FRMD6: variants seen among roughly 807,000 people sequenced by gnomAD.
FRMD6 encodes FERM domain-containing protein 6.
FRMD6 carries 37 observed loss-of-function variants against 73.2 expected under a neutral mutation model. The ratio of observed to expected loss-of-function variants is 0.51; its 90% confidence interval spans 0.39 to 0.66. FRMD6 has a LOEUF of 0.66. Ranked by LOEUF, FRMD6 falls within the 30% of genes least tolerant of loss-of-function variation. The pLI is 0.00. For missense variants in FRMD6, 714 were observed against 780.5 expected (o/e 0.91, Z 1.02); for synonymous variants, 273 against 282.2 (o/e 0.97, Z 0.33).
intron 1 of FRMD6, among the ~76,000 whole-genome samples, chr14:51,563,996 T>A (rs1887634754): frequency 6.6e-6 from 1 of 152,350 alleles, no homozygotes; most frequent in African/African-American, 2.4e-5. Flanking sequence ...TTACCATTTC[T>A]AAAGTTTTTA....
chr14:51,485,702 T>C (rs139539075), upstream of FRMD6, among the ~76,000 whole-genome samples: 1 of 152,214 alleles, frequency 6.6e-6, no homozygotes, highest in Non-Finnish European at 1.5e-5. Flanking sequence ...CATCCTTTGT[T>C]TGGTGGTGAT....
At chr14:51,690,224 A>G (rs1465140967) in intron 2 of FRMD6, among the ~76,000 whole-genome samples, 1 of 152,224 alleles carries the variant, frequency 6.6e-6, no homozygotes, top group Non-Finnish European at 1.5e-5. Context: ...CTTTTATTGA[A>G]GTATATGAAT....
chr14:51,653,894 G>A (rs1283062398), intron 1 of FRMD6, among the ~76,000 whole-genome samples: 1 of 152,094 alleles, frequency 6.6e-6, no homozygotes, highest in Non-Finnish European at 1.5e-5. Context: ...GGTCCCCCAG[G>A]GGATATCTAA....
At chr14:51,494,950 G>A (rs1883212114) in intron 1 of FRMD6, among the ~76,000 whole-genome samples, 1 of 152,110 alleles carries the variant, frequency 6.6e-6, no homozygotes, top group Admixed American at 6.5e-5. Flanking sequence ...ATATGGATAA[G>A]CTGAGAATTT....
At chr14:51,398,993 T>C in the FRMD6 span, among the ~76,000 whole-genome samples, 2 of 152,158 alleles carry the variant, frequency 1.3e-5, no homozygotes, top group African/African-American at 4.8e-5. Context: ...ATGCTCCAGT[T>C]CTGTTTCCCA....
chr14:51,561,526 A>G (rs1042826180), intron 1 of FRMD6, among the ~76,000 whole-genome samples: 2 of 152,212 alleles, frequency 1.3e-5, no homozygotes, highest in African/African-American at 4.8e-5. Flanking sequence ...TGAATCACGC[A>G]TTTAAGTAAC....
At chr14:51,621,943 G>T (rs1389434663) in intron 2 of FRMD6, among the ~76,000 whole-genome samples, 1 of 152,220 alleles carries the variant, frequency 6.6e-6, no homozygotes, top group African/African-American at 2.4e-5. Context: ...AACAAGGACT[G>T]TTTTTAGAAA....
chr14:51,642,036 C>T (rs997930009), intron 2 of FRMD6, among the ~76,000 whole-genome samples: 5 of 152,134 alleles, frequency 3.3e-5, no homozygotes, highest in African/African-American at 7.2e-5. Flanking sequence ...AATAAGGCCA[C>T]GTACCTTTTG....
chr14:51,613,187 A>G (rs1890581029), intron 2 of FRMD6, among the ~76,000 whole-genome samples: 1 of 152,202 alleles, frequency 6.6e-6, no homozygotes, highest in South Asian at 2.1e-4. Context: ...GAACTGTGAC[A>G]GCTGTGAGAA....
intron 2 of FRMD6, among the ~76,000 whole-genome samples, chr14:51,635,777 T>TA (rs1375219460): frequency 6.6e-6 from 1 of 152,198 alleles, no homozygotes; most frequent in Non-Finnish European, 1.5e-5. Context: ...AATAAAAAAA[T>TA]ACTTGCAAAG....
At chr14:51,708,403 G>A (rs1896756319) in intron 7 of FRMD6, 170 bp downstream of exon 7, 4 of 628,988 alleles carry the variant, frequency 6.4e-6, no homozygotes, top group Non-Finnish European at 1.1e-5. Context: ...AGTCTTGGAG[G>A]CCATGGTGCT....
intron 2 of FRMD6, among the ~76,000 whole-genome samples, chr14:51,614,284 A>G (rs1890626873): frequency 1.3e-5 from 2 of 152,150 alleles, no homozygotes; most frequent in Non-Finnish European, 2.9e-5. Context: ...TGCAAGGCTT[A>G]AGTATTCTAG....
intron 13 of FRMD6, among the ~76,000 whole-genome samples, chr14:51,726,670 G>T (rs1306610574): frequency 6.6e-6 from 1 of 152,100 alleles, no homozygotes; most frequent in Non-Finnish European, 1.5e-5. Flanking sequence ...TGTTTCTGGG[G>T]CACAGCTGAT....
At chr14:51,642,093 A>T (rs920337873) in intron 2 of FRMD6, among the ~76,000 whole-genome samples, 2 of 152,124 alleles carry the variant, frequency 1.3e-5, no homozygotes, top group African/African-American at 2.4e-5. Flanking sequence ...TACTAGTTTG[A>T]GGTGATTTTG....
At chr14:51,616,671 G>A (rs1890729199) in intron 2 of FRMD6, among the ~76,000 whole-genome samples, 1 of 152,186 alleles carries the variant, frequency 6.6e-6, no homozygotes. Context: ...TGAGGCATGA[G>A]AGAGGGCTCC....
At chr14:51,540,747 C>G (rs957130336) in intron 1 of FRMD6, among the ~76,000 whole-genome samples, 2 of 151,750 alleles carry the variant, frequency 1.3e-5, no homozygotes, top group African/African-American at 4.8e-5. Context: ...TAAATAAATT[C>G]CATGAGCAAA....
At chr14:51,446,893 C>A in the FRMD6 span, among the ~76,000 whole-genome samples, 1 of 152,156 alleles carries the variant, frequency 6.6e-6, no homozygotes, top group Non-Finnish European at 1.5e-5. Context: ...AGAGGAGATC[C>A]ATCATGACGA....
Position 51,719,694 on chromosome 14 carries a change from G to A in FRMD6, c.1025-361G>A, listed in dbSNP as rs563364271. Among the ~76,000 whole-genome samples the A allele has an allele frequency of 1.8e-3, 271 of 152,306 alleles. 1 individual carries two copies. The highest frequency in any genetic ancestry group is 2.9e-3 in the Non-Finnish European group (200 of 68,026). ...CAAAATCACATTGGTGGCTGTCATGGCAATGTCACATAGCTCTGGAAGTTT... is the reference window on the plus strand; with the variant it reads ...CAAAATCACATTGGTGGCTGTCATGACAATGTCACATAGCTCTGGAAGTTT... On this transcript the variant is annotated intron_variant, in intron 10 of 13. Coordinates refer to ENST00000344768, the MANE Select transcript of FRMD6 (RefSeq NM_001267046.2).
intron 1 of FRMD6, among the ~76,000 whole-genome samples, chr14:51,683,569 G>C (rs906396102): frequency 6.6e-6 from 1 of 152,038 alleles, no homozygotes; most frequent in African/African-American, 2.4e-5. Context: ...GATTACAGAT[G>C]TGCGTCACTG....
Sources: gnomAD v4.1 joint callset for allele counts (sites outside exome capture counted in the v4.1 genomes callset) on GRCh38, gnomAD v4.1.1 for gene constraint, MANE v1.5 for transcripts, NCBI Gene and HGNC (gene_info 2026-07-23, HGNC 2026-07-21) for gene names.